Variants in BMAL2 observed in about 807,000 individuals in gnomAD.
The protein encoded by BMAL2 is basic helix-loop-helix ARNT like 2.
chr12:27,356,854 C>G, the BMAL2 span, among the ~76,000 whole-genome samples: 69 of 152,220 alleles, frequency 4.5e-4, no homozygotes, highest in African/African-American at 1.6e-3. Flanking sequence ...GTGCACCCAT[C>G]ACCCGAGCAG....
chr12:27,376,406 GA>G, the BMAL2 span: 1 of 1,612,228 alleles, frequency 6.2e-7, no homozygotes, highest in African/African-American at 1.3e-5. Context: ...GACTTGTTGA[GA>G]TGGTACATGG....
chr12:27,390,186 G>T, the BMAL2 span: 1 of 1,613,938 alleles, frequency 6.2e-7, no homozygotes, highest in Non-Finnish European at 8.5e-7. Context: ...ATAAAGAGTT[G>T]TAAAATCTCT....
chr12:27,402,376 T>A, the BMAL2 span, among the ~76,000 whole-genome samples: 1 of 152,198 alleles, frequency 6.6e-6, no homozygotes, highest in Non-Finnish European at 1.5e-5. Flanking sequence ...TTATTATTAG[T>A]ACAGGAACTG....
chr12:27,348,858 A>G, the BMAL2 span, among the ~76,000 whole-genome samples: 706 of 151,502 alleles, frequency 4.7e-3, 9 homozygotes, highest in African/African-American at 0.017. Context: ...AGGGAAACCA[A>G]TTAGTAAAAA....
At chr12:27,401,585 T>TA in the BMAL2 span, 2 of 1,611,404 alleles carry the variant, frequency 1.2e-6, no homozygotes, top group East Asian at 4.5e-5. Flanking sequence ...AAGATGGCTC[T>TA]TTTGTAACTT....
the BMAL2 span, among the ~76,000 whole-genome samples, chr12:27,346,877 A>G: frequency 2.6e-5 from 4 of 152,148 alleles, no homozygotes; most frequent in Admixed American, 2.6e-4. Context: ...TGAATAGGTT[A>G]ACGTCCTTCC....
the BMAL2 span, among the ~76,000 whole-genome samples, chr12:27,354,846 G>A: frequency 6.6e-6 from 1 of 152,102 alleles, no homozygotes; most frequent in South Asian, 2.1e-4. Flanking sequence ...GAAATTATGA[G>A]GATGTCTTCT....
At chr12:27,369,300 G>C in the BMAL2 span, among the ~76,000 whole-genome samples, 21 of 92,192 alleles carry the variant, frequency 2.3e-4, no homozygotes, top group East Asian at 4.0e-3. Context: ...CTTTTTTGGT[G>C]GGGGGGGTGG....
At chr12:27,401,112 G>T in the BMAL2 span, 3 of 671,780 alleles carry the variant, frequency 4.5e-6, no homozygotes, top group Non-Finnish European at 7.7e-6. Context: ...GTCTAGGGCA[G>T]CCGAGGGGAG....
the BMAL2 span, chr12:27,385,493 C>T: frequency 1.6e-5 from 25 of 1,606,116 alleles, no homozygotes; most frequent in Middle Eastern, 6.6e-4. Context: ...TTGACAAATT[C>T]TTATGTGGGA....
At chr12:27,371,280 C>A in the BMAL2 span, among the ~76,000 whole-genome samples, 1 of 152,044 alleles carries the variant, frequency 6.6e-6, no homozygotes, top group African/African-American at 2.4e-5. Flanking sequence ...CCCAGAAGTT[C>A]GAGGCTGCAG....
chr12:27,361,107 T>C, the BMAL2 span, among the ~76,000 whole-genome samples: 1 of 152,184 alleles, frequency 6.6e-6, no homozygotes, highest in Admixed American at 6.5e-5. Flanking sequence ...TCTGTGAATC[T>C]GTGTGTGCAT....
At chr12:27,360,051 T>TAA in the BMAL2 span, among the ~76,000 whole-genome samples, 21,282 of 114,762 alleles carry the variant, frequency 0.19, 2,400 homozygotes, top group African/African-American at 0.3. Flanking sequence ...AGACCCTATT[T>TAA]AAAAAAAAAA....
the BMAL2 span, among the ~76,000 whole-genome samples, chr12:27,373,862 G>A: frequency 1.3e-5 from 2 of 152,178 alleles, no homozygotes; most frequent in African/African-American, 4.8e-5. Context: ...CTAAGAAAAT[G>A]TAGCCCAGTA....
chr12:27,333,137 GT>G, the BMAL2 span: 1 of 1,203,622 alleles, frequency 8.3e-7, no homozygotes. Context: ...ACGGCCCCAG[GT>G]GGGCGCGCGG....
chr12:27,333,107 A>G, the BMAL2 span: 1 of 1,204,972 alleles, frequency 8.3e-7, no homozygotes, highest in Non-Finnish European at 1.0e-6. Flanking sequence ...GCGGGAGGTG[A>G]GGTTGCCGGT....
the BMAL2 span, chr12:27,403,397 G>T: frequency 7.9e-7 from 1 of 1,268,404 alleles, no homozygotes; most frequent in Non-Finnish European, 1.1e-6. Context: ...GAAAGATAAA[G>T]TCCTCAACTG....
the BMAL2 span, among the ~76,000 whole-genome samples, chr12:27,344,704 A>T: frequency 8.5e-5 from 13 of 152,212 alleles, no homozygotes; most frequent in Non-Finnish European, 1.5e-4. Flanking sequence ...CATCTACAAA[A>T]TACGTTCACA....
At chr12:27,405,393 GAC>G in the BMAL2 span, among the ~76,000 whole-genome samples, 1 of 152,198 alleles carries the variant, frequency 6.6e-6, no homozygotes, top group Admixed American at 6.5e-5. Context: ...ACTCCTCTGA[GAC>G]AAAACTTCCA....
Sources: allele counts gnomAD v4.1 joint callset (sites outside exome capture counted in the v4.1 genomes callset), GRCh38; gene constraint gnomAD v4.1.1; transcripts MANE v1.5; gene names NCBI Gene and HGNC (gene_info 2026-07-23, HGNC 2026-07-21).